Variants in ST7 observed in about 807,000 individuals in gnomAD.
ST7 encodes suppressor of tumorigenicity 7 protein.
ST7 carries 28 observed loss-of-function variants against 78.7 expected under a neutral mutation model. That is an observed-to-expected ratio of 0.36 (90% CI 0.26 to 0.49). The LOEUF (loss-of-function observed/expected upper bound fraction) is 0.49, where lower values mean the gene tolerates loss of function less well. Ranked by LOEUF, ST7 falls within the 20% of genes least tolerant of loss-of-function variation. The pLI, the probability that ST7 is intolerant of heterozygous loss-of-function variation, is 0.99. For synonymous variants in ST7, 247 were observed against 249.6 expected (o/e 0.99, Z 0.10); for missense variants, 418 against 696.0 (o/e 0.60, Z 4.49).
At chr7:116,970,756 T>C (rs1793376046) in intron 1 of ST7, among the ~76,000 whole-genome samples, 1 of 152,218 alleles carries the variant, frequency 6.6e-6, no homozygotes, top group African/African-American at 2.4e-5. Flanking sequence ...GTCAGAGTTC[T>C]ATTTTTATAT....
rs537909334 is a variant in ST7 at position 117,227,732 on chromosome 7, G to A, written c.1639-2030G>A. Among the ~76,000 whole-genome samples, 6 of 152,290 alleles carry A rather than the reference G, an allele frequency of 3.9e-5. No homozygotes were observed. In the East Asian group the frequency reaches 9.6e-4, roughly 24 times the overall value. On this transcript the variant is annotated intron_variant, in intron 15 of 15. Coordinates refer to ENST00000323984, the MANE Select transcript of ST7 (RefSeq NM_001369598.1). ...CATTCCCAGGCCCATTGTCTCCCATGATGCCTTCCAACTGCATTCATGGGT... is the reference window on the plus strand; with the variant it reads ...CATTCCCAGGCCCATTGTCTCCCATAATGCCTTCCAACTGCATTCATGGGT...
At chr7:117,051,257 A>G (rs1162239562) in intron 1 of ST7, among the ~76,000 whole-genome samples, 1 of 152,248 alleles carries the variant, frequency 6.6e-6, no homozygotes, top group Non-Finnish European at 1.5e-5. Context: ...CAAATAGGCA[A>G]CATATATGTA....
At chr7:116,999,808 C>CTTTTTTTTTTTT (rs71148356) in intron 1 of ST7, among the ~76,000 whole-genome samples, 2 of 104,442 alleles carry the variant, frequency 1.9e-5, no homozygotes, top group Admixed American at 1.2e-4. Context: ...AATTTTCTTT[C>CTTTTTTTTTTTT]TTTTTTTTTT....
At chr7:117,141,199 C>T (rs777380663) in intron 9 of ST7, among the ~76,000 whole-genome samples, 2 of 152,134 alleles carry the variant, frequency 1.3e-5, no homozygotes, top group Non-Finnish European at 2.9e-5. Context: ...CCATCTTCTC[C>T]CCATATGCAT....
At chr7:117,196,965 A>G (rs1426343441) in intron 12 of ST7, among the ~76,000 whole-genome samples, 2 of 152,064 alleles carry the variant, frequency 1.3e-5, no homozygotes, top group African/African-American at 2.4e-5. Flanking sequence ...ATTTTTGTGT[A>G]TGGTGTAAGA....
At chr7:117,126,645 C>A (rs563698311) in intron 3 of ST7, among the ~76,000 whole-genome samples, 1 of 151,440 alleles carries the variant, frequency 6.6e-6, no homozygotes, top group Non-Finnish European at 1.5e-5. Context: ...GTGGGCATTG[C>A]AGAAGAGTAG....
chr7:117,040,846 C>G (rs1034661683), intron 1 of ST7, among the ~76,000 whole-genome samples: 5 of 152,208 alleles, frequency 3.3e-5, no homozygotes, highest in Admixed American at 1.3e-4. Flanking sequence ...CTGAATTAAT[C>G]TACTATCTTG....
chr7:117,056,398 C>T (rs1263596265), intron 1 of ST7, among the ~76,000 whole-genome samples: 3 of 151,998 alleles, frequency 2.0e-5, no homozygotes, highest in East Asian at 3.9e-4. Flanking sequence ...TTTGGGAGGC[C>T]GAGGCGGGCT....
chr7:117,120,927 T>C (rs910020821), intron 3 of ST7, among the ~76,000 whole-genome samples: 4 of 152,112 alleles, frequency 2.6e-5, no homozygotes, highest in African/African-American at 9.7e-5. Context: ...ATGGGAAGGG[T>C]ATGAACTCTT....
intron 3 of ST7, 118 bp from the exon 4 acceptor site, chr7:117,129,675 T>G: frequency 1.3e-6 from 1 of 790,958 alleles, no homozygotes; most frequent in Non-Finnish European, 2.1e-6. Flanking sequence ...GCTTCCCATG[T>G]AAAGGGTAGT....
At chr7:116,986,127 C>T (rs1173236959) in intron 1 of ST7, among the ~76,000 whole-genome samples, 1 of 152,250 alleles carries the variant, frequency 6.6e-6, no homozygotes, top group Non-Finnish European at 1.5e-5. Flanking sequence ...GCCACCACGC[C>T]CAGCGTGATA....
At chr7:117,007,950 G>C (rs1469286037) in intron 1 of ST7, among the ~76,000 whole-genome samples, 2 of 152,084 alleles carry the variant, frequency 1.3e-5, no homozygotes, top group Non-Finnish European at 2.9e-5. Context: ...TTTTCTCTTA[G>C]AATCACCTAT....
intron 9 of ST7, among the ~76,000 whole-genome samples, chr7:117,148,347 C>G (rs1368548865): frequency 2.0e-5 from 3 of 151,990 alleles, no homozygotes; most frequent in African/African-American, 7.2e-5. Flanking sequence ...TCATATTTAA[C>G]TGGTTTATTG....
At chr7:117,093,716 AC>A (rs1434377320) in intron 1 of ST7, among the ~76,000 whole-genome samples, 1 of 152,066 alleles carries the variant, frequency 6.6e-6, no homozygotes, top group African/African-American at 2.4e-5. Flanking sequence ...AACAACAACA[AC>A]AACAAAAAAA....
At position 117,171,025 on chromosome 7, in the gene ST7, A is replaced by C. The variant is rs761409723; in HGVS notation, c.1078+49A>C. 4.8e-6 allele frequency: 6 copies of C among 1,255,234 alleles called. No individual in the cohort carries two copies. In the African/African-American group the frequency reaches 9.0e-5, roughly 19 times the overall value. 77.8% of individuals were successfully genotyped at this position (1,255,234 alleles called of 1,614,324 possible). ...TACTTGACTATTCCTCTTTTGATGT[A>C]TTTTCCCTGATTAGATTAGAAGGGT... On this transcript the variant is annotated intron_variant, in intron 10 of 15. Transcript: ENST00000323984.
chr7:116,972,632 TA>T (rs2116263344), intron 1 of ST7: 1 of 1,265,304 alleles, frequency 7.9e-7, no homozygotes, highest in East Asian at 2.3e-5. Flanking sequence ...TGGTTTTCAA[TA>T]AACTTCATAC....
chr7:117,173,019 T>C (rs1330558402), intron 10 of ST7, among the ~76,000 whole-genome samples: 1 of 152,182 alleles, frequency 6.6e-6, no homozygotes, highest in Non-Finnish European at 1.5e-5. Flanking sequence ...AAAACTGATT[T>C]ATTAGATTCT....
chr7:117,078,079 A>C (rs1477104601), intron 1 of ST7, among the ~76,000 whole-genome samples: 1 of 152,252 alleles, frequency 6.6e-6, no homozygotes, highest in African/African-American at 2.4e-5. Context: ...AGATAAGAAA[A>C]ATTGACCCAG....
intron 12 of ST7, chr7:117,198,945 A>C (rs1271997541): frequency 6.6e-6 from 1 of 152,084 alleles, no homozygotes; most frequent in Non-Finnish European, 1.5e-5. Flanking sequence ...ACACACATAC[A>C]TACTCCAAAC....
Sources: gnomAD v4.1 joint callset for allele counts (sites outside exome capture counted in the v4.1 genomes callset) on GRCh38, gnomAD v4.1.1 for gene constraint, MANE v1.5 for transcripts, NCBI Gene and HGNC (gene_info 2026-07-23, HGNC 2026-07-21) for gene names.